LARGE1: variants seen among roughly 807,000 people sequenced by gnomAD.
LARGE1 encodes LARGE xylosyl- and glucuronyltransferase 1.
In LARGE1, 43 loss-of-function variants were observed where a neutral mutation model predicts 87.6. The ratio of observed to expected loss-of-function variants is 0.49; its 90% CI spans 0.38 to 0.63. LARGE1 has a LOEUF of 0.63. Among genes scored for constraint, LARGE1 ranks in the 30% least tolerant of loss-of-function variants. The probability of loss-of-function intolerance (pLI) is 0.00; values close to 1 mark genes in which losing one functional copy is unlikely to be tolerated. For missense variants in LARGE1, 802 were observed against 1,000.2 expected, an observed-to-expected ratio of 0.80 and a Z score of 2.67; for synonymous variants, 434 against 394.6, an observed-to-expected ratio of 1.10 and a Z score of -1.18.
Position 33,650,447 on chromosome 22 carries a change from C to T in LARGE1, c.328G>A (p.Asp110Asn), listed in dbSNP as rs770803532. ...KTYSMEEGTG[D>N]SENLRAGIVA... is the part of the protein sequence containing the mutation. ...ATGCCAGCCCGAAGGTTCTCGCTGT[C>T]TCCAGTGCCCTCCTCCATGGAGTAG... is the stretch of plus-strand genomic sequence containing the variant. Residue 110 changes from aspartate to asparagine, a missense_variant, in exon 3 of 15, where the codon GAC (aspartate) becomes AAC (asparagine). By Grantham distance (23) the Asp-to-Asn change is conservative (BLOSUM62 1). Around this residue, in one of 2 missense-constraint regions of LARGE1, gnomAD observed 177 missense variants for 158.3 expected, o/e 1.12. Transcript: ENST00000397394. The T allele has an allele frequency of 6.2e-7, 1 of 1,614,180 alleles. No individual in the cohort carries two copies. Among genetic ancestry groups the T allele is most frequent in the East Asian group, 2.2e-5 (1 of 44,882 alleles).
intron 7 of LARGE1, among the ~76,000 whole-genome samples, chr22:33,422,393 G>A (rs1483007147): frequency 6.6e-6 from 1 of 152,156 alleles, no homozygotes; most frequent in Non-Finnish European, 1.5e-5. Flanking sequence ...CATCTGCTCA[G>A]CTTCTGGGGA....
the LARGE1 span, among the ~76,000 whole-genome samples, chr22:33,091,482 G>T: frequency 1.2e-4 from 19 of 152,020 alleles, no homozygotes; most frequent in Admixed American, 1.2e-3. Flanking sequence ...ATGGCTTGAA[G>T]CCAGGAGGTG....
intron 6 of LARGE1, among the ~76,000 whole-genome samples, chr22:33,455,091 G>C (rs1569178925): frequency 6.6e-6 from 1 of 152,252 alleles, no homozygotes; most frequent in East Asian, 1.9e-4. Flanking sequence ...AGGTCTGTCA[G>C]TGTGTTTAAG....
At chr22:33,453,556 A>G (rs2068022057) in intron 6 of LARGE1, among the ~76,000 whole-genome samples, 1 of 152,250 alleles carries the variant, frequency 6.6e-6, no homozygotes, top group Admixed American at 6.5e-5. Flanking sequence ...AGTCAGCTAC[A>G]GTCAGTGAGA....
chr22:33,535,979 A>C (rs1386264278), intron 6 of LARGE1, among the ~76,000 whole-genome samples: 1 of 152,178 alleles, frequency 6.6e-6, no homozygotes, highest in Non-Finnish European at 1.5e-5. Context: ...CATGTGTTCA[A>C]GTTGCCATGT....
the LARGE1 span, among the ~76,000 whole-genome samples, chr22:33,145,231 C>T: frequency 1.3e-5 from 2 of 152,124 alleles, no homozygotes; most frequent in Admixed American, 6.5e-5. Flanking sequence ...TGAAGAGGAT[C>T]ACCTGAGTTA....
At chr22:33,722,742 G>A (rs1164601687) in intron 2 of LARGE1, among the ~76,000 whole-genome samples, 1 of 152,156 alleles carries the variant, frequency 6.6e-6, no homozygotes, top group South Asian at 2.1e-4. Flanking sequence ...ACAGTGAAGA[G>A]GGACTCTACA....
At chr22:33,575,889 C>T (rs555102414) in intron 5 of LARGE1, among the ~76,000 whole-genome samples, 5 of 152,172 alleles carry the variant, frequency 3.3e-5, no homozygotes, top group East Asian at 1.9e-4. Context: ...TTTAGCTTTG[C>T]GAAGCTTGAG....
chr22:33,510,201 A>T (rs946638772), intron 6 of LARGE1, among the ~76,000 whole-genome samples: 1 of 152,240 alleles, frequency 6.6e-6, no homozygotes, highest in Non-Finnish European at 1.5e-5. Context: ...GAAGCAGTCT[A>T]AACATGCAAG....
chr22:33,370,698 T>C (rs55941241), intron 9 of LARGE1, among the ~76,000 whole-genome samples: 1,569 of 151,790 alleles, frequency 0.01, 20 homozygotes, highest in Middle Eastern at 0.035. Context: ...ATATAATATG[T>C]TATGTTGTAT....
intron 7 of LARGE1, among the ~76,000 whole-genome samples, chr22:33,399,668 C>T (rs1051092056): frequency 5.3e-5 from 8 of 152,304 alleles, no homozygotes; most frequent in South Asian, 2.1e-4. Flanking sequence ...CCTGCCTCAG[C>T]CTCCTGAGTA....
At chr22:33,569,156 T>C (rs1335085557) in intron 5 of LARGE1, among the ~76,000 whole-genome samples, 2 of 152,218 alleles carry the variant, frequency 1.3e-5, no homozygotes, top group African/African-American at 2.4e-5. Flanking sequence ...GCAATCTGCC[T>C]GAACTGAGGC....
chr22:33,179,478 G>C (rs1421021996), intron 11 of LARGE1, among the ~76,000 whole-genome samples: 1 of 152,124 alleles, frequency 6.6e-6, no homozygotes, highest in Non-Finnish European at 1.5e-5. Flanking sequence ...AATTTACATG[G>C]CTTCATGATG....
At chr22:33,219,215 C>T (rs768556494) in intron 11 of LARGE1, among the ~76,000 whole-genome samples, 4 of 152,146 alleles carry the variant, frequency 2.6e-5, no homozygotes, top group Admixed American at 6.5e-5. Context: ...AGGCTTCAGA[C>T]TGAGAAAAGC....
downstream of LARGE1, among the ~76,000 whole-genome samples, chr22:33,157,667 G>A (rs1332021511): frequency 1.3e-5 from 2 of 152,072 alleles, no homozygotes; most frequent in African/African-American, 2.4e-5. Flanking sequence ...AAGGATGATC[G>A]AACTGACTTG....
At chr22:33,673,824 G>T (rs1315120221) in intron 2 of LARGE1, among the ~76,000 whole-genome samples, 3 of 73,744 alleles carry the variant, frequency 4.1e-5, no homozygotes, top group Non-Finnish European at 5.6e-5. Context: ...AGCCTCCTGG[G>T]TTACACGACC....
At chr22:33,222,030 C>G (rs973531605) in intron 11 of LARGE1, among the ~76,000 whole-genome samples, 2 of 152,220 alleles carry the variant, frequency 1.3e-5, no homozygotes, top group Admixed American at 1.3e-4. Context: ...CTCCCTCCCT[C>G]TCTTTTCCTT....
intron 11 of LARGE1, among the ~76,000 whole-genome samples, chr22:33,216,773 G>A (rs1294970291): frequency 6.6e-6 from 1 of 152,132 alleles, no homozygotes; most frequent in Non-Finnish European, 1.5e-5. Flanking sequence ...CTGTCCCACA[G>A]AGGAGCTATC....
chr22:33,363,709 A>G (rs1386324431), intron 9 of LARGE1, among the ~76,000 whole-genome samples: 1 of 150,090 alleles, frequency 6.7e-6, no homozygotes, highest in Non-Finnish European at 1.5e-5. Flanking sequence ...ATAAATTATA[A>G]TAAAACTGAA....
Sources: gnomAD v4.1 joint callset for allele counts (sites outside exome capture counted in the v4.1 genomes callset) on GRCh38, gnomAD v4.1.1 for gene constraint, gnomAD v4.1.1 regional missense constraint, MANE v1.5 for transcripts, NCBI Gene and HGNC (gene_info 2026-07-23, HGNC 2026-07-21) for gene names.